Variants in CCSAP observed in about 807,000 individuals in gnomAD.
CCSAP encodes the protein centriole, cilia and spindle-associated protein.
In CCSAP, 17 loss-of-function variants were observed where a neutral mutation model predicts 25.9. The ratio of observed to expected loss-of-function variants is 0.66; its 90% confidence interval spans 0.45 to 0.99. CCSAP has a LOEUF of 0.99. Ranked by LOEUF, CCSAP falls within the 50% of genes least tolerant of loss-of-function variation. The probability of loss-of-function intolerance (pLI) is 0.00; values close to 1 mark genes in which losing one functional copy is unlikely to be tolerated. For missense variants in CCSAP, 339 were observed against 367.8 expected (o/e 0.92, Z 0.64); for synonymous variants, 169 against 157.1 (o/e 1.08, Z -0.57).
intron 2 of CCSAP, among the ~76,000 whole-genome samples, chr1:229,338,888 ACAATT>A (rs1658264379): frequency 6.6e-6 from 1 of 152,118 alleles, no homozygotes; most frequent in African/African-American, 2.4e-5. Context: ...AGCCCAGAAA[ACAATT>A]CAAGAGCTCT....
At chr1:229,326,571 C>A (rs1305914191) in intron 3 of CCSAP, among the ~76,000 whole-genome samples, 167 bp downstream of exon 3, 1 of 152,202 alleles carries the variant, frequency 6.6e-6, no homozygotes, top group Non-Finnish European at 1.5e-5. Context: ...TCCTTTGGTT[C>A]ATCAGAGGCT....
At chr1:229,332,340 G>A (rs1325553948) in intron 2 of CCSAP, among the ~76,000 whole-genome samples, 1 of 151,826 alleles carries the variant, frequency 6.6e-6, no homozygotes, top group Admixed American at 6.5e-5. Flanking sequence ...CTCAACCTGT[G>A]GGACCTGATG....
At chr1:229,333,303 G>C (rs1441954726) in intron 2 of CCSAP, among the ~76,000 whole-genome samples, 1 of 151,978 alleles carries the variant, frequency 6.6e-6, no homozygotes, top group East Asian at 1.9e-4. Context: ...CGTGGTGTCA[G>C]GTGCCTGTAG....
At chr1:229,339,466 G>A (rs75641091) in intron 2 of CCSAP, among the ~76,000 whole-genome samples, 1,843 of 152,262 alleles carry the variant, frequency 0.012, 42 homozygotes, top group African/African-American at 0.042. Context: ...TTCAAAGAAA[G>A]CTAACCTCTG....
Position 229,321,182 on chromosome 1 carries a change from T to A in CCSAP, c.*4053A>T, listed in dbSNP as rs1196257643. 1.3e-5 allele frequency: 2 copies of A among 152,222 alleles called. No homozygotes were observed. The highest frequency in any genetic ancestry group is 2.9e-5 in the Non-Finnish European group (2 of 68,042). 9.4% of individuals were successfully genotyped at this position (152,222 alleles called of 1,614,324 possible). A position where few individuals can be genotyped will look rare whatever the true frequency, so the allele number is the denominator to read the frequency against. On this transcript the variant is annotated 3_prime_UTR_variant, in exon 4 of 4. Transcript: ENST00000284617. ...CTCCAGAATTTTAAAGTGAATGCAG[T>A]GCTCAAAACAAACTTACGATAGCAC... is the stretch of plus-strand genomic sequence containing the variant.
chr1:229,338,538 A>AACACAC (rs55718200), intron 2 of CCSAP, among the ~76,000 whole-genome samples: 4,784 of 141,850 alleles, frequency 0.034, 225 homozygotes, highest in African/African-American at 0.11. Flanking sequence ...CCCAAACCCC[A>AACACAC]ACACACACAC....
At position 229,321,616 on chromosome 1, in the gene CCSAP, T is replaced by C. The variant is rs978033910; in HGVS notation, c.*3619A>G. The C allele has an allele frequency of 2.0e-5, 3 of 152,242 alleles. No homozygotes were observed. Among genetic ancestry groups the C allele is most frequent in the Non-Finnish European group, 4.4e-5 (3 of 68,034 alleles). The allele number at this position is 152,242 out of a possible 1,614,324, so 9.4% of individuals were successfully genotyped here. On this transcript the variant is annotated 3_prime_UTR_variant, in exon 4 of 4. Coordinates refer to ENST00000284617, the MANE Select transcript of CCSAP (RefSeq NM_145257.5). Reference sequence around the variant, plus strand: ...TACCAAAGCAACTATAGCATCAAGCTACATAAATATTAGCACCATTTTTTA... The same window carrying C: ...TACCAAAGCAACTATAGCATCAAGCCACATAAATATTAGCACCATTTTTTA...
At chr1:229,331,871 A>C (rs1165587619) in intron 2 of CCSAP, among the ~76,000 whole-genome samples, 2 of 150,846 alleles carry the variant, frequency 1.3e-5, no homozygotes, top group African/African-American at 4.9e-5. Flanking sequence ...GCTGGAGTGC[A>C]ATGGCGCGAT....
chr1:229,340,708 T>G (rs1658310781), intron 2 of CCSAP: 1 of 363,258 alleles, frequency 2.8e-6, no homozygotes, highest in Non-Finnish European at 4.9e-6. Flanking sequence ...CTGCCTCCGA[T>G]GATGAGCTGA....
intron 2 of CCSAP, among the ~76,000 whole-genome samples, chr1:229,329,535 A>G (rs1179505268): frequency 6.6e-6 from 1 of 152,202 alleles, no homozygotes; most frequent in Non-Finnish European, 1.5e-5. Context: ...TCATGGGAGG[A>G]CATTAAGCTG....
rs1434865560 is a variant in CCSAP at position 229,325,176 on chromosome 1, T to C, written c.*59A>G. ...TCCGTTTCTTTTGATGGTTTTTGTTTTGTTTTTCCTTTCAGTCATTTACAC... is the reference window on the plus strand; with the variant it reads ...TCCGTTTCTTTTGATGGTTTTTGTTCTGTTTTTCCTTTCAGTCATTTACAC... On this transcript the variant is annotated 3_prime_UTR_variant, in exon 4 of 4. Coordinates refer to ENST00000284617, the MANE Select transcript of CCSAP (RefSeq NM_145257.5). The C allele has an allele frequency of 2.7e-6, 4 of 1,481,166 alleles. No individual in the cohort carries two copies. The highest frequency in any genetic ancestry group is 3.6e-6 in the Non-Finnish European group (4 of 1,106,076). 91.8% of individuals were successfully genotyped at this position (1,481,166 alleles called of 1,614,324 possible).
At chr1:229,335,056 A>G (rs1345197493) in intron 2 of CCSAP, among the ~76,000 whole-genome samples, 10 of 152,186 alleles carry the variant, frequency 6.6e-5, no homozygotes, top group Non-Finnish European at 1.0e-4. Context: ...GCTCACGTCT[A>G]TCATCCCAGC....
At position 229,326,834 on chromosome 1, in the gene CCSAP, GTTTTC is replaced by G. The variant is rs771124465; in HGVS notation, c.535_539del (p.Glu179GlnfsTer35). 20 of 1,614,054 alleles carry G rather than the reference GTTTTC, an allele frequency of 1.2e-5. No individual in the cohort carries two copies. Among genetic ancestry groups the G allele is most frequent in the Non-Finnish European group, 2.5e-6 (3 of 1,180,038 alleles). Reference sequence around the variant, plus strand: ...AGCCATAAAGAGCAAATGGATGCTTGTTTTCTTTTATTTTACTCGATGATCTTTGG... The same window carrying G: ...AGCCATAAAGAGCAAATGGATGCTTGTTTTATTTTACTCGATGATCTTTGG... On this transcript the variant is annotated frameshift_variant, in exon 3 of 4. Coordinates refer to ENST00000284617, the MANE Select transcript of CCSAP (RefSeq NM_145257.5). LOFTEE classifies it high-confidence loss of function.
At chr1:229,338,925 A>G (rs891531331) in intron 2 of CCSAP, among the ~76,000 whole-genome samples, 3 of 152,032 alleles carry the variant, frequency 2.0e-5, no homozygotes, top group Non-Finnish European at 4.4e-5. Flanking sequence ...GAAAAATAGG[A>G]TCCCTCAAAT....
At position 229,326,400 on chromosome 1, in the gene CCSAP, C is replaced by T. The variant is rs190362155; in HGVS notation, c.636+338G>A. 5.9e-5 allele frequency among the ~76,000 whole-genome samples: 9 copies of T among 152,340 alleles called. No individual in the cohort carries two copies. The East Asian group carries it at 1.2e-3, about 20-fold the overall frequency. ...CCAGTGGCAAATCCAGATGGGCCGT[C>T]GCCAGCCTTGGCTGTGCTGCTCCTC... On this transcript the variant is annotated intron_variant, in intron 3 of 3. Coordinates refer to ENST00000284617, the MANE Select transcript of CCSAP (RefSeq NM_145257.5).
At chr1:229,333,255 A>G (rs1327581640) in intron 2 of CCSAP, among the ~76,000 whole-genome samples, 2 of 151,460 alleles carry the variant, frequency 1.3e-5, no homozygotes, top group Non-Finnish European at 2.9e-5. Flanking sequence ...ACACGGTGAA[A>G]CCCCGTCTCT....
chr1:229,327,079 A>T, intron 2 of CCSAP, 73 bp from the exon 3 acceptor site: 2 of 1,256,332 alleles, frequency 1.6e-6, no homozygotes, highest in Non-Finnish European at 2.2e-6. Flanking sequence ...ATTTATGTTG[A>T]AAAATCATAA....
rs545415388 is a variant in CCSAP at position 229,342,584 on chromosome 1, AC to A, written c.-48-72del. 1.6e-5 allele frequency: 10 copies of A among 608,258 alleles called. No homozygotes were observed. In the South Asian group the frequency reaches 8.1e-4, roughly 49 times the overall value. 37.7% of individuals were successfully genotyped at this position (608,258 alleles called of 1,614,324 possible). A position where few individuals can be genotyped will look rare whatever the true frequency, so the allele number is the denominator to read the frequency against. ...CGGCCCTGCCCGCCGCGACGTTTAA[AC>A]CCGGAGCCCCGCCCGGACGGGAGCA... On this transcript the variant is annotated intron_variant, in intron 1 of 3. Transcript: ENST00000284617. The surrounding 1 kb of genome is among the most constrained non-coding windows in gnomAD (Gnocchi z 7.5).
intron 2 of CCSAP, among the ~76,000 whole-genome samples, chr1:229,337,719 G>GTATATATATATATATATATATGTA (rs71962932): frequency 1.1e-5 from 1 of 91,856 alleles, no homozygotes; most frequent in South Asian, 3.4e-4. Flanking sequence ...ATATATATAT[G>GTATATATATATATATATATATGTA]TATATATATA....
Sources: gnomAD v4.1 joint callset for allele counts (sites outside exome capture counted in the v4.1 genomes callset) on GRCh38, gnomAD v4.1.1 for gene constraint, Gnocchi (gnomAD v3.1) non-coding constraint, MANE v1.5 for transcripts, NCBI Gene and HGNC (gene_info 2026-07-23, HGNC 2026-07-21) for gene names.